NKAIN3: variants seen among roughly 807,000 people sequenced by gnomAD.
The protein encoded by NKAIN3 is sodium/potassium-transporting ATPase subunit beta-1-interacting protein 3.
NKAIN3 carries 25 observed loss-of-function variants against 30.2 expected under a neutral mutation model. The observed-to-expected ratio is 0.83, with a 90% CI of 0.60 to 1.16. The LOEUF (loss-of-function observed/expected upper bound fraction) is 1.16, where lower values mean the gene tolerates loss of function less well. NKAIN3 is among the 50% of genes most tolerant of loss of function. The pLI, the probability that NKAIN3 is intolerant of heterozygous loss-of-function variation, is 0.00. For missense variants in NKAIN3, 225 were observed against 254.1 expected (o/e 0.89, Z 0.78); for synonymous variants, 91 against 89.6 (o/e 1.02, Z -0.09).
chr8:62,519,072 A>G (rs562674041), intron 1 of NKAIN3, among the ~76,000 whole-genome samples: 1 of 152,298 alleles, frequency 6.6e-6, no homozygotes, highest in African/African-American at 2.4e-5. Context: ...TACCAAATTT[A>G]TACATAGTAA....
intron 1 of NKAIN3, among the ~76,000 whole-genome samples, chr8:62,334,853 T>C (rs1439069353): frequency 6.6e-6 from 1 of 151,992 alleles, no homozygotes; most frequent in Non-Finnish European, 1.5e-5. Flanking sequence ...TCTCTCATTC[T>C]CCCTGTGTGC....
chr8:62,540,152 T>G (rs994183729), intron 1 of NKAIN3, among the ~76,000 whole-genome samples: 1 of 152,218 alleles, frequency 6.6e-6, no homozygotes. Flanking sequence ...TCCTAATTTC[T>G]GCTCTCAAAA....
intron 4 of NKAIN3, chr8:62,855,346 C>A: frequency 1.6e-6 from 1 of 644,698 alleles, no homozygotes. Context: ...GCAGCTCCTG[C>A]TTCTTCAGCC....
chr8:62,789,329 C>T (rs981123109), intron 4 of NKAIN3, among the ~76,000 whole-genome samples: 2 of 152,106 alleles, frequency 1.3e-5, no homozygotes, highest in Non-Finnish European at 2.9e-5. Flanking sequence ...ATTTGGCTCT[C>T]TGTTTGTCTG....
intron 1 of NKAIN3, among the ~76,000 whole-genome samples, chr8:62,359,558 A>G (rs891156456): frequency 1.3e-5 from 2 of 152,194 alleles, no homozygotes; most frequent in African/African-American, 4.8e-5. Flanking sequence ...GATAGAGACC[A>G]TGTCTCCCAT....
intron 4 of NKAIN3, among the ~76,000 whole-genome samples, chr8:62,751,718 T>C (rs1488850672): frequency 1.3e-5 from 2 of 152,172 alleles, no homozygotes. Flanking sequence ...TATGTGTGCA[T>C]ATATATACTA....
At chr8:62,342,694 G>A (rs1434565252) in intron 1 of NKAIN3, among the ~76,000 whole-genome samples, 1 of 151,932 alleles carries the variant, frequency 6.6e-6, no homozygotes, top group South Asian at 2.1e-4. Context: ...CTGGAAGAAG[G>A]GTTATCACAG....
chr8:62,772,954 C>T (rs116625172), intron 4 of NKAIN3, among the ~76,000 whole-genome samples: 4,033 of 152,110 alleles, frequency 0.027, 186 homozygotes, highest in African/African-American at 0.091. Flanking sequence ...CAACCACGCC[C>T]GGCTCTTTTG....
chr8:62,755,630 A>T (rs1429341295), intron 4 of NKAIN3, among the ~76,000 whole-genome samples: 1 of 152,042 alleles, frequency 6.6e-6, no homozygotes, highest in Non-Finnish European at 1.5e-5. Flanking sequence ...GCCTCCCAGG[A>T]TTACCCTTTT....
At chr8:62,373,441 T>C (rs1266701783) in intron 1 of NKAIN3, among the ~76,000 whole-genome samples, 2 of 152,176 alleles carry the variant, frequency 1.3e-5, no homozygotes, top group African/African-American at 4.8e-5. Flanking sequence ...ACCAATATTT[T>C]TGGATACCTT....
chr8:62,997,861 TA>T, intron 5 of NKAIN3, among the ~76,000 whole-genome samples: 1 of 152,072 alleles, frequency 6.6e-6, no homozygotes, highest in Middle Eastern at 3.4e-3. Flanking sequence ...CAGAACCTCA[TA>T]AAAATAAAAA....
At chr8:62,532,758 TTTCC>T (rs1481033844) in intron 1 of NKAIN3, among the ~76,000 whole-genome samples, 76 of 152,308 alleles carry the variant, frequency 5.0e-4, no homozygotes, top group African/African-American at 1.7e-3. Flanking sequence ...AGACTGAAGC[TTTCC>T]CCAGCAGCTT....
At chr8:62,896,832 A>G (rs1821441510) in intron 4 of NKAIN3, among the ~76,000 whole-genome samples, 1 of 152,214 alleles carries the variant, frequency 6.6e-6, no homozygotes, top group Non-Finnish European at 1.5e-5. Context: ...ATTTGACAAA[A>G]TGTAGGCTAT....
At chr8:62,780,986 A>T (rs1418264355) in intron 4 of NKAIN3, among the ~76,000 whole-genome samples, 1 of 152,050 alleles carries the variant, frequency 6.6e-6, no homozygotes, top group East Asian at 1.9e-4. Context: ...TTGGAAAAGA[A>T]GTCAAATTGT....
At chr8:62,465,364 C>T (rs781419724) in intron 1 of NKAIN3, among the ~76,000 whole-genome samples, 94 of 152,062 alleles carry the variant, frequency 6.2e-4, no homozygotes, top group African/African-American at 2.0e-3. Flanking sequence ...AAAACAAGAA[C>T]GTTAACACAA....
intron 1 of NKAIN3, among the ~76,000 whole-genome samples, chr8:62,298,094 A>G (rs1251959840): frequency 1.4e-5 from 2 of 147,180 alleles, no homozygotes; most frequent in East Asian, 2.1e-4. Context: ...AACACCACAT[A>G]TTCTCACTCA....
At chr8:62,256,427 TAAAC>T (rs1327028485) in intron 1 of NKAIN3, among the ~76,000 whole-genome samples, 28 of 151,158 alleles carry the variant, frequency 1.9e-4, no homozygotes, top group African/African-American at 2.7e-4. Context: ...TCTAAATAAA[TAAAC>T]AAACAAACAA....
chr8:62,565,363 T>TAC (rs1554548242), intron 1 of NKAIN3, among the ~76,000 whole-genome samples: 2 of 116,026 alleles, frequency 1.7e-5, no homozygotes, highest in East Asian at 4.8e-4. Flanking sequence ...CATACGTGTG[T>TAC]GCGTGTGTGT....
intron 4 of NKAIN3, among the ~76,000 whole-genome samples, chr8:62,915,818 T>TA (rs1822080538): frequency 6.6e-6 from 1 of 152,084 alleles, no homozygotes; most frequent in Non-Finnish European, 1.5e-5. Flanking sequence ...TTGCAACAAA[T>TA]ACAGCAAAGG....
Sources: gnomAD v4.1 joint callset for allele counts (sites outside exome capture counted in the v4.1 genomes callset) on GRCh38, gnomAD v4.1.1 for gene constraint, MANE v1.5 for transcripts, NCBI Gene and HGNC (gene_info 2026-07-23, HGNC 2026-07-21) for gene names.